Variants in EPC2 observed in about 807,000 individuals in gnomAD.
The protein encoded by EPC2 is enhancer of polycomb homolog 2.
Under a neutral mutation model 92.1 loss-of-function variants are expected in EPC2, and 14 were observed. The ratio of observed to expected loss-of-function variants is 0.15; its 90% CI spans 0.10 to 0.24. The LOEUF is 0.24. Among genes scored for constraint, EPC2 ranks in the 10% least tolerant of loss-of-function variants. The pLI is 1.00. For synonymous variants in EPC2, 340 were observed against 334.7 expected, an observed-to-expected ratio of 1.02 and a Z score of -0.17; for missense variants, 755 against 971.5, an observed-to-expected ratio of 0.78 and a Z score of 2.96.
intron 2 of EPC2, among the ~76,000 whole-genome samples, chr2:148,706,796 C>G (rs1389242405): frequency 6.6e-6 from 1 of 152,106 alleles, no homozygotes; most frequent in East Asian, 1.9e-4. Context: ...CAAACAAATG[C>G]TGAGAGATTT....
chr2:148,737,885 A>T (rs1228441408), intron 2 of EPC2, among the ~76,000 whole-genome samples: 2 of 152,168 alleles, frequency 1.3e-5, no homozygotes, highest in African/African-American at 4.8e-5. Context: ...GCCACATTCA[A>T]AGCTGTCCTG....
chr2:148,716,063 A>G (rs957179120), intron 2 of EPC2, among the ~76,000 whole-genome samples: 1 of 152,166 alleles, frequency 6.6e-6, no homozygotes, highest in Non-Finnish European at 1.5e-5. Context: ...CAATTTTTGA[A>G]CATTGATTTT....
intron 4 of EPC2, among the ~76,000 whole-genome samples, chr2:148,756,139 G>A (rs1337862035): frequency 6.6e-6 from 1 of 152,080 alleles, no homozygotes; most frequent in Admixed American, 6.5e-5. Flanking sequence ...CTTGTGTTTA[G>A]GCATTTCTTC....
At chr2:148,766,921 T>C (rs943412742) in intron 7 of EPC2, among the ~76,000 whole-genome samples, 1 of 152,176 alleles carries the variant, frequency 6.6e-6, no homozygotes, top group African/African-American at 2.4e-5. Flanking sequence ...TTGTGGCTCA[T>C]GCCTGTAATC....
Position 148,663,592 on chromosome 2 carries a change from A to ATTTTTT in EPC2, c.153+18445_153+18450dup, listed in dbSNP as rs56911412. On this transcript the variant is annotated intron_variant, in intron 1 of 13. Coordinates refer to ENST00000258484, the MANE Select transcript of EPC2 (RefSeq NM_015630.4). ...TTCCAGTTTTACTATATAGATTAAG[A>ATTTTTT]TTTTTTTTTTTTTTTTTTTTTTTTT... Among the ~76,000 whole-genome samples, 9 of 74,348 alleles carry ATTTTTT rather than the reference A, an allele frequency of 1.2e-4. 1 individual carries two copies. The highest frequency in any genetic ancestry group is 4.5e-4 in the African/African-American group (8 of 17,822). The allele number at this position is 74,348 out of a possible 152,430, so 48.8% of individuals were successfully genotyped here. A position where few individuals can be genotyped will look rare whatever the true frequency, so the allele number is the denominator to read the frequency against.
intron 2 of EPC2, among the ~76,000 whole-genome samples, chr2:148,726,020 G>C (rs1470554113): frequency 6.6e-6 from 1 of 152,066 alleles, no homozygotes; most frequent in Admixed American, 6.6e-5. Flanking sequence ...TTAAGAATTT[G>C]ACTACTTTGG....
At chr2:148,704,492 T>C (rs1297444277) in intron 2 of EPC2, among the ~76,000 whole-genome samples, 1 of 152,192 alleles carries the variant, frequency 6.6e-6, no homozygotes, top group African/African-American at 2.4e-5. Flanking sequence ...TGCACACTTA[T>C]AAACAGTTGA....
chr2:148,649,310 A>G (rs907890718), intron 1 of EPC2, among the ~76,000 whole-genome samples: 9 of 152,246 alleles, frequency 5.9e-5, no homozygotes, highest in South Asian at 4.1e-4. Flanking sequence ...CATTTCCAAC[A>G]TTGGAGAAGT....
intron 10 of EPC2, among the ~76,000 whole-genome samples, chr2:148,777,312 A>C (rs186005780): frequency 6.6e-6 from 1 of 152,316 alleles, no homozygotes; most frequent in African/African-American, 2.4e-5. Flanking sequence ...TTAAGCTATG[A>C]AAATTTGGTC....
At position 148,663,223 on chromosome 2, in the gene EPC2, A is replaced by G. The variant is rs952044358; in HGVS notation, c.153+18053A>G. On this transcript the variant is annotated intron_variant, in intron 1 of 13. Coordinates refer to ENST00000258484, the MANE Select transcript of EPC2 (RefSeq NM_015630.4). ...TATTATTATTATTATTATTATTATT[A>G]TTATTATTATTATTATTTTGAGACA... Among the ~76,000 whole-genome samples the G allele has an allele frequency of 2.2e-4, 32 of 146,774 alleles. No homozygotes were observed. The East Asian group carries it at 5.5e-3, about 25-fold the overall frequency.
intron 2 of EPC2, among the ~76,000 whole-genome samples, chr2:148,698,756 G>T (rs1574589658): frequency 9.8e-6 from 1 of 102,010 alleles, no homozygotes; most frequent in Non-Finnish European, 1.8e-5. Flanking sequence ...AAAGTAAAAT[G>T]TTAATTGTGG....
rs748890143 is a variant in EPC2 at position 148,783,639 on chromosome 2, G to A, written c.1900G>A (p.Ala634Thr). The change falls in exon 12 of 14, where the codon GCC becomes ACC. Residue 634 changes from alanine to threonine, a missense_variant. Ala to Thr is a moderately conservative substitution (Grantham distance 58). Around this residue, in one of 4 missense-constraint regions of EPC2, gnomAD observed 207 missense variants for 260.5 expected, o/e 0.79. Coordinates refer to ENST00000258484, the MANE Select transcript of EPC2 (RefSeq NM_015630.4). ...SDCMSKTLDS[A>T]SAHFAASAVV... ...CTGTATGTCTAAAACACTTGACTCA[G>A]CCAGCGCCCACTTTGCTGCATCTGC... 2 of 1,607,626 alleles carry A rather than the reference G, an allele frequency of 1.2e-6. No homozygotes were observed. Among genetic ancestry groups the A allele is most frequent in the East Asian group, 4.5e-5 (2 of 44,768 alleles).
At chr2:148,763,495 T>A (rs1683343041) in intron 6 of EPC2, among the ~76,000 whole-genome samples, 1 of 152,154 alleles carries the variant, frequency 6.6e-6, no homozygotes, top group Admixed American at 6.5e-5. Flanking sequence ...TGACTGAAGC[T>A]TCTAGACAAT....
chr2:148,737,702 G>C (rs1480224451), intron 2 of EPC2, among the ~76,000 whole-genome samples: 2 of 151,976 alleles, frequency 1.3e-5, no homozygotes, highest in African/African-American at 4.8e-5. Flanking sequence ...GTTGATTTCA[G>C]CTCTCTCAGG....
intron 2 of EPC2, among the ~76,000 whole-genome samples, chr2:148,713,805 T>C (rs1682203095): frequency 6.6e-6 from 1 of 152,232 alleles, no homozygotes; most frequent in Admixed American, 6.5e-5. Context: ...CTACAGCATA[T>C]AGCATAGGTT....
chr2:148,699,017 T>G (rs2105376288), intron 2 of EPC2, among the ~76,000 whole-genome samples: 1 of 152,254 alleles, frequency 6.6e-6, no homozygotes, highest in South Asian at 2.1e-4. Context: ...AGCAGGGATC[T>G]ATAAGAGGGC....
At chr2:148,738,890 A>C (rs1046272593) in intron 2 of EPC2, among the ~76,000 whole-genome samples, 1 of 152,206 alleles carries the variant, frequency 6.6e-6, no homozygotes, top group African/African-American at 2.4e-5. Flanking sequence ...TTAACCCCTG[A>C]ATTAGACAAA....
At chr2:148,681,626 T>TA (rs952026564) in intron 1 of EPC2, among the ~76,000 whole-genome samples, 24 of 151,268 alleles carry the variant, frequency 1.6e-4, no homozygotes, top group African/African-American at 2.4e-4. Context: ...TTCTTTTCCG[T>TA]AAAAAAAAAT....
chr2:148,781,669 G>A lies in EPC2; in HGVS notation c.1746G>A (p.Gln582=), dbSNP rs1182078806. The A allele has an allele frequency of 6.2e-7, 1 of 1,613,910 alleles. No homozygotes were observed. Among genetic ancestry groups the A allele is most frequent in the African/African-American group, 1.3e-5 (1 of 75,060 alleles). The change falls in exon 11 of 14, where the codon CAG becomes CAA. Residue 582 remains glutamine (Q), a synonymous_variant. Coordinates refer to ENST00000258484, the MANE Select transcript of EPC2 (RefSeq NM_015630.4). ...ISVTGGITEE[Q]FQTHQQQLVQ... ...TAACAGGGGGTATCACAGAAGAGCA[G>A]TTTCAGACACATCAGCAGCAGTTAG... is the stretch of plus-strand genomic sequence containing the variant.
Sources: gnomAD v4.1 joint callset for allele counts (sites outside exome capture counted in the v4.1 genomes callset) on GRCh38, gnomAD v4.1.1 for gene constraint, gnomAD v4.1.1 regional missense constraint, MANE v1.5 for transcripts, NCBI Gene and HGNC (gene_info 2026-07-23, HGNC 2026-07-21) for gene names.